Variants in MOB3B observed in about 807,000 individuals in gnomAD.
The protein encoded by MOB3B is MOB kinase activator-like 2B.
Under a neutral mutation model 18.7 loss-of-function variants are expected in MOB3B, and 7 were observed. That is an observed-to-expected ratio of 0.37 (90% confidence interval 0.21 to 0.70). MOB3B has a LOEUF of 0.70. Among genes scored for constraint, MOB3B ranks in the 30% least tolerant of loss-of-function variants. The probability of loss-of-function intolerance (pLI) is 0.52; values close to 1 mark genes in which losing one functional copy is unlikely to be tolerated. For missense variants in MOB3B, 253 were observed against 281.3 expected (o/e 0.90, Z 0.72); for synonymous variants, 111 against 99.9 (o/e 1.11, Z -0.66).
Position 27,462,135 on chromosome 9 carries a change from A to G in MOB3B, c.-198-6387T>C, listed in dbSNP as rs142175045. ...TTGTAAAAATAAATAGTAAAGTAAA[A>G]TTATTACAGGATAAAAGCTCAGATG... On this transcript the variant is annotated intron_variant, in intron 1 of 3. Transcript: ENST00000262244. Among the ~76,000 whole-genome samples, 95 of 152,314 alleles carry G rather than the reference A, an allele frequency of 6.2e-4. No individual in the cohort carries two copies. The East Asian group carries it at 0.018, about 28-fold the overall frequency.
chr9:27,454,871 A>T (rs1822844396), intron 2 of MOB3B, among the ~76,000 whole-genome samples: 3 of 152,214 alleles, frequency 2.0e-5, no homozygotes, highest in Admixed American at 2.0e-4. Flanking sequence ...TAAGAAAGCC[A>T]ACACAATCAC....
In MOB3B at chr9:27,325,769, A is replaced by G. The variant is rs1246170130; in HGVS notation, c.*4818T>C. 1 of 152,152 alleles carries G rather than the reference A, an allele frequency of 6.6e-6. No homozygotes were observed. Among genetic ancestry groups the G allele is most frequent in the Non-Finnish European group, 1.5e-5 (1 of 68,030 alleles). 9.4% of individuals were successfully genotyped at this position (152,152 alleles called of 1,614,324 possible). A position where few individuals can be genotyped will look rare whatever the true frequency, so the allele number is the denominator to read the frequency against. On this transcript the variant is annotated 3_prime_UTR_variant, in exon 4 of 4. Transcript: ENST00000262244. ...CCTTGGTACACATTTCCTCAAAGAT[A>G]ATGGCTATACTTTTCCCACAATCTT...
At chr9:27,442,040 T>C (rs1429562837) in intron 2 of MOB3B, among the ~76,000 whole-genome samples, 1 of 152,210 alleles carries the variant, frequency 6.6e-6, no homozygotes, top group Non-Finnish European at 1.5e-5. Flanking sequence ...TAAAACAATA[T>C]TACTCTCTTT....
intron 3 of MOB3B, among the ~76,000 whole-genome samples, chr9:27,348,959 G>C (rs13290656): frequency 0.11 from 17,288 of 152,236 alleles, 2,593 homozygotes; most frequent in African/African-American, 0.34. Flanking sequence ...GAAGCCAAAG[G>C]AGTTGTACAT....
intron 1 of MOB3B, among the ~76,000 whole-genome samples, chr9:27,469,969 G>A (rs777992100): frequency 1.1e-4 from 16 of 151,904 alleles, no homozygotes; most frequent in South Asian, 6.2e-4. Flanking sequence ...AGCCTGGCAC[G>A]GTGGCACACA....
intron 1 of MOB3B, chr9:27,524,479 T>G (rs1296720017): frequency 6.2e-7 from 1 of 1,613,940 alleles, no homozygotes; most frequent in East Asian, 2.2e-5. Flanking sequence ...CTGAGACATC[T>G]GAGTAGTATG....
intron 1 of MOB3B, among the ~76,000 whole-genome samples, chr9:27,508,559 GA>G (rs1587267155): frequency 6.6e-6 from 1 of 152,028 alleles, no homozygotes; most frequent in African/African-American, 2.4e-5. Flanking sequence ...TTTTCATTTT[GA>G]AGGCTATTTT....
chr9:27,508,488 T>C (rs1820092095), intron 1 of MOB3B, among the ~76,000 whole-genome samples: 1 of 152,104 alleles, frequency 6.6e-6, no homozygotes, highest in South Asian at 2.1e-4. Context: ...GCTGAAGCAC[T>C]TCCAGAAAAA....
At chr9:27,434,770 T>A (rs923346452) in intron 2 of MOB3B, among the ~76,000 whole-genome samples, 3 of 151,994 alleles carry the variant, frequency 2.0e-5, no homozygotes, top group African/African-American at 7.3e-5. Flanking sequence ...CCTAAACCTC[T>A]CCAATCAACC....
At chr9:27,370,076 G>A (rs971387381) in intron 2 of MOB3B, among the ~76,000 whole-genome samples, 3 of 151,954 alleles carry the variant, frequency 2.0e-5, no homozygotes, top group South Asian at 2.1e-4. Flanking sequence ...TGAATGCAAC[G>A]GATTGAATGC....
At chr9:27,346,269 G>A (rs1239923039) in intron 3 of MOB3B, among the ~76,000 whole-genome samples, 1 of 152,146 alleles carries the variant, frequency 6.6e-6, no homozygotes, top group Non-Finnish European at 1.5e-5. Flanking sequence ...TGTGAGCAGT[G>A]CATTTCTGTT....
rs546418371 is a variant in MOB3B at position 27,396,323 on chromosome 9, C to T, written c.419-37087G>A. 1.1e-4 allele frequency among the ~76,000 whole-genome samples: 17 copies of T among 152,170 alleles called. No homozygotes were observed. The East Asian group carries it at 1.7e-3, about 16-fold the overall frequency. ...TTCCCCCTTCTCTATTCATAGCTTT[C>T]GTCCCTGGGGGAACTGCTCCCTCAG... On this transcript the variant is annotated intron_variant, in intron 2 of 3. Coordinates refer to ENST00000262244, the MANE Select transcript of MOB3B (RefSeq NM_024761.5).
chr9:27,387,484 A>T (rs556796271), intron 2 of MOB3B, among the ~76,000 whole-genome samples: 1 of 152,196 alleles, frequency 6.6e-6, no homozygotes, highest in Non-Finnish European at 1.5e-5. Flanking sequence ...AATAGTGCCA[A>T]AGTCACTGTG....
intron 1 of MOB3B, among the ~76,000 whole-genome samples, chr9:27,515,825 T>C (rs770983669): frequency 2.6e-5 from 4 of 152,220 alleles, no homozygotes; most frequent in Admixed American, 2.0e-4. Flanking sequence ...CTGTCGTGGA[T>C]TGAACTGTGT....
chr9:27,508,733 G>C (rs947546733), intron 1 of MOB3B, among the ~76,000 whole-genome samples: 2 of 152,126 alleles, frequency 1.3e-5, no homozygotes, highest in Non-Finnish European at 2.9e-5. Flanking sequence ...AATTAAGTTT[G>C]TCCCCAGACA....
rs1412405985 is a variant in MOB3B at position 27,325,839 on chromosome 9, G to A, written c.*4748C>T. ...AGTGTGGTACTCATGGAGTATGGAAGGGACATAAGGTTTAGAGAACATAGG... is the reference window on the plus strand; with the variant it reads ...AGTGTGGTACTCATGGAGTATGGAAAGGACATAAGGTTTAGAGAACATAGG... On this transcript the variant is annotated 3_prime_UTR_variant, in exon 4 of 4. Coordinates refer to ENST00000262244, the MANE Select transcript of MOB3B (RefSeq NM_024761.5). The A allele has an allele frequency of 6.6e-6, 1 of 152,100 alleles. No individual in the cohort carries two copies. The highest frequency in any genetic ancestry group is 1.5e-5 in the Non-Finnish European group (1 of 68,016). The allele number at this position is 152,100 out of a possible 1,614,324, so 9.4% of individuals were successfully genotyped here. A position where few individuals can be genotyped will look rare whatever the true frequency, so the allele number is the denominator to read the frequency against.
chr9:27,507,470 C>A (rs112609414), intron 1 of MOB3B, among the ~76,000 whole-genome samples: 2,347 of 152,338 alleles, frequency 0.015, 66 homozygotes, highest in African/African-American at 0.053. Context: ...CCCCAAATGT[C>A]AACTGGTCTA....
chr9:27,346,260 G>A (rs1318210060), intron 3 of MOB3B, among the ~76,000 whole-genome samples: 1 of 152,160 alleles, frequency 6.6e-6, no homozygotes, highest in African/African-American at 2.4e-5. Flanking sequence ...CTCCAGAACT[G>A]TGAGCAGTGC....
chr9:27,466,420 C>T (rs1052670573), intron 1 of MOB3B, among the ~76,000 whole-genome samples: 3 of 152,210 alleles, frequency 2.0e-5, no homozygotes, highest in Non-Finnish European at 4.4e-5. Context: ...CAAACTTTCC[C>T]ACATTTTCCT....
Sources: allele counts gnomAD v4.1 joint callset (sites outside exome capture counted in the v4.1 genomes callset), GRCh38; gene constraint gnomAD v4.1.1; transcripts MANE v1.5; gene names NCBI Gene and HGNC (gene_info 2026-07-23, HGNC 2026-07-21).